Variants in HORMAD2 observed in about 807,000 individuals in gnomAD.
HORMAD2 encodes HORMA domain containing 2.
HORMAD2 carries 45 observed loss-of-function variants against 38.8 expected under a neutral mutation model. The observed-to-expected ratio is 1.16, with a 90% CI of 0.91 to 1.49. The LOEUF (loss-of-function observed/expected upper bound fraction) is 1.49, where lower values mean the gene tolerates loss of function less well. HORMAD2 is among the 40% of genes most tolerant of loss of function. The pLI is 0.00. For synonymous variants in HORMAD2, 126 were observed against 122.8 expected, an observed-to-expected ratio of 1.03 and a Z score of -0.17; for missense variants, 338 against 367.0, an observed-to-expected ratio of 0.92 and a Z score of 0.65.
chr22:30,182,799 A>C, the HORMAD2 span, among the ~76,000 whole-genome samples: 712 of 152,338 alleles, frequency 4.7e-3, 7 homozygotes, highest in African/African-American at 0.016. Context: ...ATATGTGTTG[A>C]ATGAATAGAT....
the HORMAD2 span, among the ~76,000 whole-genome samples, chr22:30,189,951 A>G: frequency 2.6e-5 from 4 of 152,016 alleles, no homozygotes; most frequent in Admixed American, 2.0e-4. Context: ...TTTCTCCCAC[A>G]ATTAAACTCA....
chr22:30,102,989 G>A (rs17648208), intron 3 of HORMAD2, among the ~76,000 whole-genome samples: 9,187 of 151,944 alleles, frequency 0.06, 370 homozygotes, highest in Non-Finnish European at 0.084. Flanking sequence ...GGTAGATTTC[G>A]GATAAAATAA....
intron 10 of HORMAD2, among the ~76,000 whole-genome samples, chr22:30,130,854 C>T (rs1277881539): frequency 2.0e-5 from 3 of 152,020 alleles, no homozygotes; most frequent in African/African-American, 4.8e-5. Flanking sequence ...GCCTCCGCCT[C>T]CCAAAGTGCT....
intron 7 of HORMAD2, among the ~76,000 whole-genome samples, chr22:30,117,408 A>G (rs1294135844): frequency 6.6e-6 from 1 of 152,118 alleles, no homozygotes; most frequent in African/African-American, 2.4e-5. Context: ...ATTTGCTTCA[A>G]CTACTAGATG....
chr22:30,172,659 A>C (rs1480439472), intron 10 of HORMAD2, among the ~76,000 whole-genome samples: 1 of 152,146 alleles, frequency 6.6e-6, no homozygotes, highest in Non-Finnish European at 1.5e-5. Flanking sequence ...AGGCCAACGC[A>C]TGCGGATCAC....
At chr22:30,170,464 G>A (rs969014422) in intron 10 of HORMAD2, among the ~76,000 whole-genome samples, 3 of 152,090 alleles carry the variant, frequency 2.0e-5, no homozygotes, top group African/African-American at 4.8e-5. Context: ...AGACCACTTG[G>A]TAAATTCACT....
Position 30,176,066 on chromosome 22 carries a change from C to G in HORMAD2, c.823C>G (p.Gln275Glu). Residue 275 changes from glutamine to glutamate, a missense_variant, in exon 11 of 11, where the codon CAA becomes GAA. Physicochemically the swap from Gln to Glu is conservative, Grantham distance 29. Coordinates refer to ENST00000336726, the MANE Select transcript of HORMAD2 (RefSeq NM_152510.4). ...DEEEECNDHI[Q>E]RMNFVCSQQS... ...CTCTCTCTGGTGATTCTCACAGATT[C>G]AAAGAATGAATTTTGTGTGCAGTCA... is the stretch of plus-strand genomic sequence containing the variant. 1.2e-6 allele frequency: 2 copies of G among 1,608,390 alleles called. No individual in the cohort carries two copies. The highest frequency in any genetic ancestry group is 1.7e-6 in the Non-Finnish European group (2 of 1,175,140).
Position 30,098,891 on chromosome 22 carries a change from T to G in HORMAD2, c.91T>G (p.Ser31Ala). The G allele has an allele frequency of 6.2e-7, 1 of 1,613,596 alleles. No homozygotes were observed. The highest frequency in any genetic ancestry group is 8.5e-7 in the Non-Finnish European group (1 of 1,179,648). The part of the protein sequence containing the change: ...FPSQITNEHE[S>A]LKMVKKLFAT... Reference sequence around the variant, plus strand: ...ATCCCAAATCACTAATGAGCATGAGTCATTGAAAATGGTGAAGAAACTTTT... The same window carrying G: ...ATCCCAAATCACTAATGAGCATGAGGCATTGAAAATGGTGAAGAAACTTTT... Residue 31 changes from serine to alanine, a missense_variant, in exon 3 of 11, where the codon TCA becomes GCA. Transcript: ENST00000336726.
intron 1 of HORMAD2, among the ~76,000 whole-genome samples, chr22:30,091,266 CTTTT>C (rs67947501): frequency 1.1e-4 from 12 of 114,030 alleles, no homozygotes; most frequent in Middle Eastern, 4.1e-3. Flanking sequence ...CTCTTTCTTT[CTTTT>C]TTTTTTTTTT....
upstream of HORMAD2, chr22:30,080,359 G>T (rs937516405): frequency 2.0e-5 from 3 of 152,250 alleles, no homozygotes; most frequent in African/African-American, 4.8e-5. Flanking sequence ...CCGTGGACGG[G>T]TCATGAATTA....
chr22:30,124,018 G>T (rs985656163), intron 10 of HORMAD2, among the ~76,000 whole-genome samples: 7 of 151,312 alleles, frequency 4.6e-5, no homozygotes, highest in African/African-American at 1.7e-4. Context: ...AATGAAAGCA[G>T]GACAACCTAA....
intron 10 of HORMAD2, among the ~76,000 whole-genome samples, chr22:30,154,387 T>G (rs1924939689): frequency 6.6e-6 from 1 of 152,244 alleles, no homozygotes; most frequent in South Asian, 2.1e-4. Context: ...TTTTATTTTC[T>G]GAGCCATTTG....
chr22:30,176,317 A>C lies in HORMAD2; in HGVS notation c.*150A>C. ...TTTTTTGTCAGTTGCTAAGTGCTAA[A>C]TTACTGGCCAGGTAGGACGCGAGTC... On this transcript the variant is annotated 3_prime_UTR_variant, in exon 11 of 11. Coordinates refer to ENST00000336726, the MANE Select transcript of HORMAD2 (RefSeq NM_152510.4). The C allele has an allele frequency of 1.7e-6, 1 of 604,616 alleles. No homozygotes were observed. Among genetic ancestry groups the C allele is most frequent in the South Asian group, 2.1e-5 (1 of 47,768 alleles). 37.5% of individuals were successfully genotyped at this position (604,616 alleles called of 1,614,324 possible). A position where few individuals can be genotyped will look rare whatever the true frequency, so the allele number is the denominator to read the frequency against.
At chr22:30,109,614 GC>G (rs1921476521) in intron 5 of HORMAD2, among the ~76,000 whole-genome samples, 1 of 152,172 alleles carries the variant, frequency 6.6e-6, no homozygotes, top group South Asian at 2.1e-4. Flanking sequence ...ACTGTGACTG[GC>G]CTGAAATTTT....
At chr22:30,094,134 G>A (rs535562725) in intron 2 of HORMAD2, 131 bp downstream of exon 2, 72 of 631,818 alleles carry the variant, frequency 1.1e-4, no homozygotes, top group Non-Finnish European at 1.7e-4. Flanking sequence ...TATTCTGGGA[G>A]AGTATGTGTA....
chr22:30,090,890 C>T lies in HORMAD2; in HGVS notation c.-37-3026C>T, dbSNP rs913887866. Among the ~76,000 whole-genome samples the T allele has an allele frequency of 2.0e-5, 3 of 152,122 alleles. No individual in the cohort carries two copies. The South Asian group carries it at 6.2e-4, about 32-fold the overall frequency. On this transcript the variant is annotated intron_variant, in intron 1 of 10. Transcript: ENST00000336726. ...AACTATTTTAAAATATACAATAAAT[C>T]ATTGTTAACTGTGGTCACTCTACAG...
the HORMAD2 span, among the ~76,000 whole-genome samples, chr22:30,201,641 C>T: frequency 6.6e-6 from 1 of 152,066 alleles, no homozygotes; most frequent in Admixed American, 6.5e-5. Flanking sequence ...TGGTCTCGAT[C>T]TCCTGACCTC....
intron 1 of HORMAD2, among the ~76,000 whole-genome samples, chr22:30,089,794 G>A (rs1317216045): frequency 6.6e-6 from 1 of 152,116 alleles, no homozygotes; most frequent in Non-Finnish European, 1.5e-5. Flanking sequence ...AAGCACATTT[G>A]CAATGTTGTG....
chr22:30,123,702 T>C (rs1922623520), intron 10 of HORMAD2, among the ~76,000 whole-genome samples: 1 of 151,648 alleles, frequency 6.6e-6, no homozygotes. Context: ...CTTGCTCTGT[T>C]GTCCAGGCTT....
Sources: gnomAD v4.1 joint callset for allele counts (sites outside exome capture counted in the v4.1 genomes callset) on GRCh38, gnomAD v4.1.1 for gene constraint, MANE v1.5 for transcripts, NCBI Gene and HGNC (gene_info 2026-07-23, HGNC 2026-07-21) for gene names.